Variants in POMC observed in about 807,000 individuals in gnomAD.
POMC encodes the protein proopiomelanocortin.
In POMC, 19 loss-of-function variants were observed where a neutral mutation model predicts 18.5. The ratio of observed to expected loss-of-function variants is 1.03; its 90% CI spans 0.72 to 1.51. The LOEUF (loss-of-function observed/expected upper bound fraction) is 1.51. Ranked by LOEUF, POMC falls within the 40% of genes most tolerant of loss-of-function variation. The probability of loss-of-function intolerance (pLI) is 0.00; values close to 1 mark genes in which losing one functional copy is unlikely to be tolerated. For synonymous variants in POMC, 179 were observed against 161.9 expected, an observed-to-expected ratio of 1.11 and a Z score of -0.80; for missense variants, 451 against 379.0, an observed-to-expected ratio of 1.19 and a Z score of -1.58.
chr2:25,161,619 C>G lies in POMC; in HGVS notation c.266G>C (p.Arg89Pro), dbSNP rs1221013525. The change falls in exon 3 of 3, where the codon CGC becomes CCC. Residue 89 changes from arginine (R) to proline (P), a missense_variant. Physicochemically the swap from Arg to Pro is moderately radical, Grantham distance 103 (BLOSUM62 -2). Transcript: ENST00000395826. This position sits in a 1 kb window ranked among gnomAD's most constrained non-coding sequence, Gnocchi z 5.7. ...MGHFRWDRFGRRNSSSSGSSG... is the reference protein window; with the variant it reads ...MGHFRWDRFGPRNSSSSGSSG... ...GCTGCCGCTGCTGCTGCTGTTGCGG[C>G]GGCCGAATCGGTCCCAGCGGAAGTG... 6.4e-7 allele frequency: 1 copy of G among 1,553,360 alleles called. No individual in the cohort carries two copies. The highest frequency in any genetic ancestry group is 1.2e-5 in the South Asian group (1 of 84,482).
chr2:25,164,492 T>G lies in POMC; in HGVS notation c.132+149A>C, dbSNP rs553051199. ...CCTGATTTCTTCTCCCATTTCTTAC[T>G]TCACTGCAAAGTTTTGCTCCTGCCC... On this transcript the variant is annotated intron_variant, in intron 2 of 2. Coordinates refer to ENST00000395826, the MANE Select transcript of POMC (RefSeq NM_000939.4). 139 of 1,261,984 alleles carry G rather than the reference T, an allele frequency of 1.1e-4. 1 individual carries two copies. In the South Asian group the frequency reaches 1.7e-3, roughly 15 times the overall value. 78.2% of individuals were successfully genotyped at this position (1,261,984 alleles called of 1,614,324 possible). A position where few individuals can be genotyped will look rare whatever the true frequency, so the allele number is the denominator to read the frequency against.
At chr2:25,166,440 T>TG (rs1671557636) in intron 1 of POMC, among the ~76,000 whole-genome samples, 1 of 152,264 alleles carries the variant, frequency 6.6e-6, no homozygotes, top group African/African-American at 2.4e-5. Context: ...CATTTAGCTC[T>TG]GAAAAATGCC....
intron 2 of POMC, among the ~76,000 whole-genome samples, chr2:25,162,615 C>T (rs1209746125): frequency 1.3e-5 from 2 of 151,968 alleles, no homozygotes; most frequent in African/African-American, 2.4e-5. Flanking sequence ...TTTAATAATG[C>T]CTCAACCTGT....
At chr2:25,167,551 C>T (rs1162636482) in intron 1 of POMC, among the ~76,000 whole-genome samples, 1 of 152,180 alleles carries the variant, frequency 6.6e-6, no homozygotes, top group African/African-American at 2.4e-5. Context: ...TCTAGGACAG[C>T]TCCCGCCCCG....
rs747370027 is a variant in POMC, at chr2:25,161,202, C to G, written c.683G>C (p.Trp228Ser). ...GCGCTTGTCCTTGGGCGGGCTGCCC[C>G]AGCGGAAGTGCTCCATCCTGTAGGG... is the stretch of plus-strand genomic sequence containing the variant. ...EGPYRMEHFR[W>S]GSPPKDKRYG... is the part of the protein sequence containing the mutation. Residue 228 changes from tryptophan to serine, a missense_variant, in exon 3 of 3, where the codon TGG (tryptophan) becomes TCG (serine). Trp to Ser is a radical substitution (Grantham distance 177). Transcript: ENST00000395826. The surrounding 1 kb of genome is among the most constrained non-coding windows in gnomAD (Gnocchi z 5.7). 31 of 1,613,566 alleles carry G rather than the reference C, an allele frequency of 1.9e-5. No homozygotes were observed. Among genetic ancestry groups the G allele is most frequent in the Non-Finnish European group, 2.5e-5 (30 of 1,180,008 alleles).
intron 1 of POMC, 36 bp from the exon 2 acceptor site, chr2:25,164,828 A>G: frequency 6.2e-7 from 1 of 1,610,702 alleles, no homozygotes; most frequent in African/African-American, 1.3e-5. Flanking sequence ...GACCCCTGCA[A>G]GGAGCAAAAC....
chr2:25,161,340 C>T lies in POMC; in HGVS notation c.545G>A (p.Gly182Asp). ...GCCATCTCCCTCCCGGAGTCGCTGGCCAGTCAGCTCCCTCTTGAACTCCAG... is the reference window on the plus strand; with the variant it reads ...GCCATCTCCCTCCCGGAGTCGCTGGTCAGTCAGCTCCCTCTTGAACTCCAG... ...FPLEFKRELTGQRLREGDGPD... is the reference protein window; with the variant it reads ...FPLEFKRELTDQRLREGDGPD... Residue 182 changes from glycine (G) to aspartate (D), a missense_variant, in exon 3 of 3, where the codon GGC becomes GAC. By Grantham distance (94) the Gly-to-Asp change is moderately conservative. Coordinates refer to ENST00000395826, the MANE Select transcript of POMC (RefSeq NM_000939.4). This position sits in a 1 kb window ranked among gnomAD's most constrained non-coding sequence, Gnocchi z 5.7. The T allele has an allele frequency of 6.2e-7, 1 of 1,605,832 alleles. No individual in the cohort carries two copies. Among genetic ancestry groups the T allele is most frequent in the South Asian group, 1.1e-5 (1 of 89,724 alleles).
At position 25,161,573 on chromosome 2, in the gene POMC, G is replaced by A. The variant is rs1020449183; in HGVS notation, c.312C>T (p.Arg104=). ...SSGSSGAGQK[R]EDVSAGEDCG... is the part of the protein sequence containing the mutation. ...AGTCTTCGCCCGCTGAGACGTCCTC[G>A]CGCTTCTGCCCTGCGCCGCTGCTGC... Residue 104 remains arginine (R), a synonymous_variant, in exon 3 of 3, where the codon CGC becomes CGT. Transcript: ENST00000395826. The surrounding 1 kb of genome is among the most constrained non-coding windows in gnomAD (Gnocchi z 5.7). 14 of 1,553,528 alleles carry A rather than the reference G, an allele frequency of 9.0e-6. No individual in the cohort carries two copies. In the East Asian group the frequency reaches 1.7e-4, roughly 18 times the overall value.
chr2:25,167,915 G>T (rs887227460), intron 1 of POMC, among the ~76,000 whole-genome samples: 1 of 152,136 alleles, frequency 6.6e-6, no homozygotes, highest in Non-Finnish European at 1.5e-5. Context: ...GAACTTTGGG[G>T]GGCCAAGGCG....
chr2:25,161,569 C>T lies in POMC; in HGVS notation c.316G>A (p.Asp106Asn), dbSNP rs750136455. The T allele has an allele frequency of 8.3e-6, 13 of 1,564,718 alleles. No homozygotes were observed. The highest frequency in any genetic ancestry group is 1.1e-5 in the Non-Finnish European group (13 of 1,155,060). The change falls in exon 3 of 3, where the codon GAC (aspartate) becomes AAC (asparagine). Residue 106 changes from aspartate (D) to asparagine (N), a missense_variant. Physicochemically the swap from Asp to Asn is conservative, Grantham distance 23. Coordinates refer to ENST00000395826, the MANE Select transcript of POMC (RefSeq NM_000939.4). The surrounding 1 kb of genome is among the most constrained non-coding windows in gnomAD (Gnocchi z 5.7). ...CCGCAGTCTTCGCCCGCTGAGACGT[C>T]CTCGCGCTTCTGCCCTGCGCCGCTG... ...GSSGAGQKRE[D>N]VSAGEDCGPL...
chr2:25,161,857 G>A lies in POMC; in HGVS notation c.133-105C>T. The A allele has an allele frequency of 3.4e-6, 5 of 1,452,030 alleles. No homozygotes were observed. Among genetic ancestry groups the A allele is most frequent in the Non-Finnish European group, 3.6e-6 (4 of 1,107,078 alleles). The allele number at this position is 1,452,030 out of a possible 1,614,324, so 89.9% of individuals were successfully genotyped here. On this transcript the variant is annotated intron_variant, in intron 2 of 2. Coordinates refer to ENST00000395826, the MANE Select transcript of POMC (RefSeq NM_000939.4). This position sits in a 1 kb window ranked among gnomAD's most constrained non-coding sequence, Gnocchi z 5.7. ...GCCCTGGCCGCCCTCGCCACGTGCC[G>A]AGGACACAGGGCACAGTGTCGGGCG...
In POMC at chr2:25,161,288, T is replaced by C; in HGVS notation, c.597A>G (p.Ala199=). The change falls in exon 3 of 3, where the codon GCA becomes GCG. Residue 199 remains alanine (A), a synonymous_variant. Coordinates refer to ENST00000395826, the MANE Select transcript of POMC (RefSeq NM_000939.4). The surrounding 1 kb of genome is among the most constrained non-coding windows in gnomAD (Gnocchi z 5.7). The part of the protein sequence containing the change: ...DGPDGPADDG[A]GAQADLEHSL... ...TGTGCTCCAGGTCGGCCTGGGCCCCTGCGCCGTCATCGGCAGGGCCGTCGG... is the reference window on the plus strand; with the variant it reads ...TGTGCTCCAGGTCGGCCTGGGCCCCCGCGCCGTCATCGGCAGGGCCGTCGG... The C allele has an allele frequency of 6.2e-7, 1 of 1,610,818 alleles. No homozygotes were observed.
chr2:25,163,166 C>G (rs1260617035), intron 2 of POMC, among the ~76,000 whole-genome samples: 1 of 152,204 alleles, frequency 6.6e-6, no homozygotes, highest in Non-Finnish European at 1.5e-5. Context: ...ATTGCCTACT[C>G]CAGGTGTTCA....
In POMC at chr2:25,168,304, G is replaced by T. The variant is rs1356537219; in HGVS notation, c.-21+194C>A. Among the ~76,000 whole-genome samples, 1 of 152,224 alleles carries T rather than the reference G, an allele frequency of 6.6e-6. No individual in the cohort carries two copies. The highest frequency in any genetic ancestry group is 2.4e-5 in the African/African-American group (1 of 41,462). On this transcript the variant is annotated intron_variant, in intron 1 of 2. Transcript: ENST00000395826. The surrounding 1 kb of genome is among the most constrained non-coding windows in gnomAD (Gnocchi z 5.2). ...GCGGCCGTCCGCCCAGGGGCCGGAC[G>T]TGGGCCCTCCAGCTCAGCTACTGGC...
rs150434154 is a variant in POMC at position 25,166,380 on chromosome 2, G to A, written c.-20-1588C>T. 2.1e-3 allele frequency among the ~76,000 whole-genome samples: 327 copies of A among 152,354 alleles called. 2 individuals carry two copies. Among genetic ancestry groups the A allele is most frequent in the African/African-American group, 7.6e-3 (315 of 41,584 alleles). ...AGTGATCTATTCAAGTACACAGCCA[G>A]AACTTGGTGGACCAGGCAATTAGAT... On this transcript the variant is annotated intron_variant, in intron 1 of 2. Coordinates refer to ENST00000395826, the MANE Select transcript of POMC (RefSeq NM_000939.4).
At position 25,160,872 on chromosome 2, in the gene POMC, G is replaced by A. The variant is rs1219237056; in HGVS notation, c.*209C>T. ...CATGCTGCTGTTATTTGACGGCTAC[G>A]TATTTTTACTTTATTCACACAGTTT... On this transcript the variant is annotated 3_prime_UTR_variant, in exon 3 of 3. Coordinates refer to ENST00000395826, the MANE Select transcript of POMC (RefSeq NM_000939.4). The A allele has an allele frequency of 1.2e-6, 1 of 805,300 alleles. No individual in the cohort carries two copies. The highest frequency in any genetic ancestry group is 1.9e-5 in the South Asian group (1 of 53,854). 49.9% of individuals were successfully genotyped at this position (805,300 alleles called of 1,614,324 possible). A position where few individuals can be genotyped will look rare whatever the true frequency, so the allele number is the denominator to read the frequency against.
In POMC at chr2:25,161,773, A is replaced by C; in HGVS notation, c.133-21T>G. On this transcript the variant is annotated intron_variant, in intron 2 of 2. Coordinates refer to ENST00000395826, the MANE Select transcript of POMC (RefSeq NM_000939.4). The surrounding 1 kb of genome is among the most constrained non-coding windows in gnomAD (Gnocchi z 5.7). ...CACTCCTGGGGGAAGACGCGAGGGC[A>C]TGAGGGCAGCCCGTGCCCCGCACCC... The C allele has an allele frequency of 6.3e-7, 1 of 1,577,348 alleles. No homozygotes were observed. Among genetic ancestry groups the C allele is most frequent in the East Asian group, 2.3e-5 (1 of 42,640 alleles).
chr2:25,161,701 G>A lies in POMC; in HGVS notation c.184C>T (p.Pro62Ser). Reference protein sequence around the residue: ...PDLSAETPMFPGNGDEQPLTE... With the variant: ...PDLSAETPMFSGNGDEQPLTE... Reference sequence around the variant, plus strand: ...AGAGGCTGCTCGTCGCCATTTCCCGGGAACATGGGAGTCTCGGCCGAGAGG... The same window carrying A: ...AGAGGCTGCTCGTCGCCATTTCCCGAGAACATGGGAGTCTCGGCCGAGAGG... Residue 62 changes from proline to serine, a missense_variant, in exon 3 of 3, where the codon CCG becomes TCG. Physicochemically the swap from Pro to Ser is moderately conservative, Grantham distance 74. Coordinates refer to ENST00000395826, the MANE Select transcript of POMC (RefSeq NM_000939.4). This position sits in a 1 kb window ranked among gnomAD's most constrained non-coding sequence, Gnocchi z 5.7. The A allele has an allele frequency of 1.3e-6, 2 of 1,587,662 alleles. No homozygotes were observed. Among genetic ancestry groups the A allele is most frequent in the South Asian group, 1.1e-5 (1 of 86,966 alleles).
At position 25,161,179 on chromosome 2, in the gene POMC, G is replaced by C. The variant is rs28932472; in HGVS notation, c.706C>G (p.Arg236Gly). ...FRWGSPPKDKRYGGFMTSEKS... is the reference protein window; with the variant it reads ...FRWGSPPKDKGYGGFMTSEKS... ...TCGGAGGTCATGAAACCGCCGTAGC[G>C]CTTGTCCTTGGGCGGGCTGCCCCAG... is the stretch of plus-strand genomic sequence containing the variant. The change falls in exon 3 of 3, where the codon CGC becomes GGC. Residue 236 changes from arginine (R) to glycine (G), a missense_variant. Arg to Gly is a moderately radical substitution (Grantham distance 125, BLOSUM62 -2). Transcript: ENST00000395826. This position sits in a 1 kb window ranked among gnomAD's most constrained non-coding sequence, Gnocchi z 5.7. 4.3e-3 allele frequency: 7,002 copies of C among 1,613,852 alleles called. 29 individuals carry two copies. Among genetic ancestry groups the C allele is most frequent in the Non-Finnish European group, 5.2e-3 (6,162 of 1,180,010 alleles).
Sources: gnomAD v4.1 joint callset for allele counts (sites outside exome capture counted in the v4.1 genomes callset) on GRCh38, gnomAD v4.1.1 for gene constraint, Gnocchi (gnomAD v3.1) non-coding constraint, MANE v1.5 for transcripts, NCBI Gene and HGNC (gene_info 2026-07-23, HGNC 2026-07-21) for gene names.